NRG3: variants seen among roughly 807,000 people sequenced by gnomAD.
The protein encoded by NRG3 is neuregulin 3, also known as pro-neuregulin-3, membrane-bound isoform.
In NRG3, 31 loss-of-function variants were observed where a neutral mutation model predicts 66.9. The ratio of observed to expected loss-of-function variants is 0.46; its 90% CI spans 0.35 to 0.63. The LOEUF (loss-of-function observed/expected upper bound fraction) is 0.63, where lower values mean the gene tolerates loss of function less well. Among genes scored for constraint, NRG3 ranks in the 20% least tolerant of loss-of-function variants. The probability of loss-of-function intolerance (pLI) is 0.00; values close to 1 mark genes in which losing one functional copy is unlikely to be tolerated. For missense variants in NRG3, 910 were observed against 878.9 expected, an observed-to-expected ratio of 1.04 and a Z score of -0.45; for synonymous variants, 393 against 359.4, an observed-to-expected ratio of 1.09 and a Z score of -1.06.
chr10:82,865,575 C>T (rs935132854), intron 4 of NRG3, 138 bp downstream of exon 4: 43 of 754,926 alleles, frequency 5.7e-5, no homozygotes, highest in Non-Finnish European at 7.2e-5. Context: ...ATACTCTTGT[C>T]GAGTTTTCAC....
At chr10:82,277,306 C>A (rs2078902155) in intron 1 of NRG3, among the ~76,000 whole-genome samples, 1 of 152,116 alleles carries the variant, frequency 6.6e-6, no homozygotes, top group South Asian at 2.1e-4. Context: ...ACAGAGCTTG[C>A]TGATATGATT....
At chr10:82,054,204 A>G (rs368318697) in intron 1 of NRG3, among the ~76,000 whole-genome samples, 1 of 152,200 alleles carries the variant, frequency 6.6e-6, no homozygotes, top group Non-Finnish European at 1.5e-5. Flanking sequence ...TGTTCTGAAA[A>G]TAGACTGTGG....
At chr10:82,425,278 G>A (rs2089351878) in intron 2 of NRG3, among the ~76,000 whole-genome samples, 1 of 151,728 alleles carries the variant, frequency 6.6e-6, no homozygotes, top group South Asian at 2.1e-4. Flanking sequence ...CATTACATTG[G>A]GTCTCATTTC....
intron 3 of NRG3, among the ~76,000 whole-genome samples, chr10:82,837,312 C>G (rs1378931887): frequency 6.6e-6 from 1 of 152,108 alleles, no homozygotes; most frequent in African/African-American, 2.4e-5. Context: ...CCTGAGGAAT[C>G]ACCACACTGA....
intron 4 of NRG3, among the ~76,000 whole-genome samples, chr10:82,878,974 T>C (rs1423178762): frequency 6.6e-6 from 1 of 152,240 alleles, no homozygotes; most frequent in East Asian, 1.9e-4. Context: ...CACTAGCTAT[T>C]GTACTTATCT....
intron 2 of NRG3, among the ~76,000 whole-genome samples, chr10:82,458,050 AG>A (rs766459545): frequency 3.9e-5 from 6 of 152,184 alleles, no homozygotes; most frequent in Admixed American, 3.3e-4. Flanking sequence ...GCTGGAAGAC[AG>A]GGCAGTCTGC....
At chr10:82,532,551 ATGTATATAGTAC>A (rs1847383615) in intron 2 of NRG3, among the ~76,000 whole-genome samples, 2 of 147,804 alleles carry the variant, frequency 1.4e-5, no homozygotes, top group South Asian at 4.2e-4. Context: ...ATATATGTAT[ATGTATATAGTAC>A]TATATATGTA....
intron 1 of NRG3, among the ~76,000 whole-genome samples, chr10:82,289,804 C>T (rs1027545432): frequency 7.9e-5 from 12 of 152,078 alleles, no homozygotes; most frequent in African/African-American, 2.7e-4. Context: ...TATACATTTG[C>T]AAAATAGCAA....
chr10:82,445,977 G>A (rs1162442295), intron 2 of NRG3, among the ~76,000 whole-genome samples: 1 of 152,102 alleles, frequency 6.6e-6, no homozygotes, highest in Non-Finnish European at 1.5e-5. Context: ...ACTTAAATGG[G>A]GATTAATATC....
At chr10:82,471,167 G>C (rs1239186592) in intron 2 of NRG3, among the ~76,000 whole-genome samples, 1 of 152,246 alleles carries the variant, frequency 6.6e-6, no homozygotes, top group East Asian at 1.9e-4. Context: ...TGGATGAAAA[G>C]GGGAAAAAGG....
chr10:82,751,157 T>G (rs865888693), intron 3 of NRG3, among the ~76,000 whole-genome samples: 15 of 152,146 alleles, frequency 9.9e-5, no homozygotes, highest in African/African-American at 3.6e-4. Context: ...TAGTCTCTCC[T>G]TATGAATAAG....
chr10:82,756,602 G>T (rs2135007047), intron 3 of NRG3, among the ~76,000 whole-genome samples: 1 of 152,168 alleles, frequency 6.6e-6, no homozygotes, highest in East Asian at 1.9e-4. Context: ...AGTGGAGAAA[G>T]AAATATATGG....
intron 1 of NRG3, among the ~76,000 whole-genome samples, chr10:81,939,324 G>A (rs1408430098): frequency 2.0e-5 from 3 of 152,074 alleles, no homozygotes; most frequent in Non-Finnish European, 2.9e-5. Flanking sequence ...TTTTAGAAGA[G>A]TTTGGGAAAG....
chr10:82,150,790 A>G (rs555070522), intron 1 of NRG3, among the ~76,000 whole-genome samples: 2 of 152,030 alleles, frequency 1.3e-5, no homozygotes, highest in African/African-American at 2.4e-5. Flanking sequence ...TTTTAGAGCT[A>G]CTCTTTGATT....
chr10:82,377,470 A>G (rs1313929658), intron 2 of NRG3, among the ~76,000 whole-genome samples: 1 of 137,836 alleles, frequency 7.3e-6, no homozygotes, highest in Non-Finnish European at 1.5e-5. Flanking sequence ...GCGAGCGCAC[A>G]TGCGTGAGTT....
At chr10:82,426,214 C>T (rs1399347629) in intron 2 of NRG3, among the ~76,000 whole-genome samples, 1 of 152,126 alleles carries the variant, frequency 6.6e-6, no homozygotes, top group Non-Finnish European at 1.5e-5. Flanking sequence ...CACTCTGAGA[C>T]CCCTGGTGGG....
chr10:81,879,781 A>G (rs1842014260), intron 1 of NRG3, among the ~76,000 whole-genome samples: 1 of 152,160 alleles, frequency 6.6e-6, no homozygotes, highest in Non-Finnish European at 1.5e-5. Context: ...AAAATCAAGT[A>G]TTTTCTTATT....
At position 82,902,766 on chromosome 10, in the gene NRG3, T is replaced by A. The variant is rs182440140; in HGVS notation, c.1054+37329T>A. ...AGTTGACCCTTGAACAACATGGGTTTGAACTGTCTCGGTCCATTTACATGC... is the reference window on the plus strand; with the variant it reads ...AGTTGACCCTTGAACAACATGGGTTAGAACTGTCTCGGTCCATTTACATGC... On this transcript the variant is annotated intron_variant, in intron 4 of 8. Coordinates refer to ENST00000372141, the MANE Select transcript of NRG3 (RefSeq NM_001010848.4). Among the ~76,000 whole-genome samples the A allele has an allele frequency of 1.4e-4, 22 of 152,304 alleles. No individual in the cohort carries two copies. In the East Asian group the frequency reaches 2.5e-3, roughly 17 times the overall value.
At chr10:82,214,141 G>A (rs187428947) in intron 1 of NRG3, among the ~76,000 whole-genome samples, 142 of 152,314 alleles carry the variant, frequency 9.3e-4, no homozygotes, top group Non-Finnish European at 1.7e-3. Context: ...CTTAGGCTCA[G>A]TGGCTGGTAG....
Sources: gnomAD v4.1 joint callset for allele counts (sites outside exome capture counted in the v4.1 genomes callset) on GRCh38, gnomAD v4.1.1 for gene constraint, MANE v1.5 for transcripts, NCBI Gene and HGNC (gene_info 2026-07-23, HGNC 2026-07-21) for gene names.